Variants in TTC1 observed in about 807,000 individuals in gnomAD.
The protein encoded by TTC1 is tetratricopeptide repeat domain 1.
TTC1 carries 31 observed loss-of-function variants against 37.6 expected under a neutral mutation model. The ratio of observed to expected loss-of-function variants is 0.82; its 90% CI spans 0.62 to 1.11. The LOEUF (loss-of-function observed/expected upper bound fraction) is 1.11. Among genes scored for constraint, TTC1 ranks in the 50% most tolerant of loss-of-function variants. TTC1 has a pLI of 0.00. For synonymous variants in TTC1, 127 were observed against 122.4 expected (o/e 1.04, Z -0.25); for missense variants, 351 against 339.0 (o/e 1.04, Z -0.28).
chr5:160,024,241 G>C (rs184936198), intron 2 of TTC1, among the ~76,000 whole-genome samples: 1 of 152,146 alleles, frequency 6.6e-6, no homozygotes, highest in Non-Finnish European at 1.5e-5. Flanking sequence ...TATTTCCCAG[G>C]TGGAGAGTTC....
At chr5:160,045,501 CA>C (rs1757200591) in intron 5 of TTC1, among the ~76,000 whole-genome samples, 1 of 108,616 alleles carries the variant, frequency 9.2e-6, no homozygotes, top group African/African-American at 3.5e-5. Context: ...CACACACACA[CA>C]CACACACACA....
intron 7 of TTC1, among the ~76,000 whole-genome samples, chr5:160,064,415 T>C (rs369612470): frequency 2.6e-5 from 4 of 152,166 alleles, no homozygotes; most frequent in South Asian, 2.1e-4. Flanking sequence ...TAAGGATTTG[T>C]TTAGGAAAGC....
At chr5:160,028,485 CTTTTTA>C (rs1756848653) in intron 2 of TTC1, among the ~76,000 whole-genome samples, 1 of 151,802 alleles carries the variant, frequency 6.6e-6, no homozygotes, top group South Asian at 2.1e-4. Flanking sequence ...TTTACTTATT[CTTTTTA>C]TTTTTATTTT....
chr5:160,055,335 CAAAAAGT>C (rs1186174057), intron 7 of TTC1, among the ~76,000 whole-genome samples: 2 of 152,200 alleles, frequency 1.3e-5, no homozygotes, highest in Non-Finnish European at 2.9e-5. Flanking sequence ...CTACTTTCTC[CAAAAAGT>C]AACCTAGGCT....
At chr5:160,019,852 T>A (rs910385915) in intron 2 of TTC1, among the ~76,000 whole-genome samples, 1 of 151,550 alleles carries the variant, frequency 6.6e-6, no homozygotes, top group Non-Finnish European at 1.5e-5. Context: ...AGTTCTGGGA[T>A]TATAGGCATG....
At chr5:160,031,309 A>T (rs954104545) in intron 2 of TTC1, among the ~76,000 whole-genome samples, 6 of 152,108 alleles carry the variant, frequency 3.9e-5, no homozygotes, top group Non-Finnish European at 7.4e-5. Flanking sequence ...ATCCGTTGAA[A>T]CAATAGGATG....
chr5:160,058,442 G>A (rs373457885), intron 7 of TTC1, among the ~76,000 whole-genome samples: 7 of 140,198 alleles, frequency 5.0e-5, no homozygotes, highest in East Asian at 4.2e-4. Context: ...ACGGAGTCTC[G>A]CTGTGTCGCC....
chr5:160,015,755 A>G (rs73307367), intron 2 of TTC1, among the ~76,000 whole-genome samples: 2,516 of 152,268 alleles, frequency 0.017, 53 homozygotes, highest in African/African-American at 0.042. Flanking sequence ...ACCCACAGAG[A>G]GGGTGGTAAG....
chr5:160,035,089 T>G, intron 2 of TTC1, 51 bp from the exon 3 acceptor site: 1 of 1,488,814 alleles, frequency 6.7e-7, no homozygotes, highest in Non-Finnish European at 9.0e-7. Context: ...ACCTTTTTGT[T>G]CACTTATAAT....
chr5:160,021,263 C>A (rs370779090), intron 2 of TTC1, among the ~76,000 whole-genome samples: 1 of 152,172 alleles, frequency 6.6e-6, no homozygotes, highest in East Asian at 1.9e-4. Context: ...TGTGGCCACA[C>A]CATGGGAAAC....
intron 2 of TTC1, among the ~76,000 whole-genome samples, chr5:160,031,048 T>C (rs75754072): frequency 0.012 from 1,765 of 152,290 alleles, 23 homozygotes; most frequent in African/African-American, 0.024. Flanking sequence ...TATATACCTG[T>C]CATCCTTTGG....
chr5:160,022,213 G>C (rs867706477), intron 2 of TTC1, among the ~76,000 whole-genome samples: 4 of 152,136 alleles, frequency 2.6e-5, no homozygotes, highest in Non-Finnish European at 5.9e-5. Context: ...ACACTTATAA[G>C]CTCAAAGTCA....
rs145760392 is a variant in TTC1 at position 160,021,279 on chromosome 5, C to T, written c.330+10421C>T. Among the ~76,000 whole-genome samples the T allele has an allele frequency of 4.8e-3, 736 of 152,284 alleles. 5 individuals are homozygous for T. The highest frequency in any genetic ancestry group is 7.4e-3 in the Non-Finnish European group (504 of 68,028). ...GTGGCCACACCATGGGAAACAGATC[C>T]AGATGGACACAGATGACTAAGCTTC... is the stretch of plus-strand genomic sequence containing the variant. On this transcript the variant is annotated intron_variant, in intron 2 of 7. Transcript: ENST00000231238.
At chr5:160,045,480 A>T (rs1757195185) in intron 5 of TTC1, among the ~76,000 whole-genome samples, 1 of 109,434 alleles carries the variant, frequency 9.1e-6, no homozygotes, top group East Asian at 3.1e-4. Flanking sequence ...ACACACACAC[A>T]CACACACACA....
chr5:160,030,881 T>G (rs1368097316), intron 2 of TTC1, among the ~76,000 whole-genome samples: 1 of 152,160 alleles, frequency 6.6e-6, no homozygotes. Context: ...AAGCTTCTGT[T>G]CATAGAACAG....
chr5:160,009,272 T>A (rs896158760), intron 1 of TTC1, 79 bp downstream of exon 1: 1 of 152,206 alleles, frequency 6.6e-6, no homozygotes, highest in Non-Finnish European at 1.5e-5. Context: ...GCGCGAGGCA[T>A]CACTTCCCTA....
chr5:160,031,289 G>A (rs1486623250), intron 2 of TTC1, among the ~76,000 whole-genome samples: 1 of 152,158 alleles, frequency 6.6e-6, no homozygotes, highest in Non-Finnish European at 1.5e-5. Flanking sequence ...GGGCCACTGG[G>A]TTGTGATTTA....
chr5:160,048,841 C>T (rs754757573), intron 5 of TTC1, among the ~76,000 whole-genome samples: 39 of 152,092 alleles, frequency 2.6e-4, no homozygotes, highest in Non-Finnish European at 5.3e-4. Flanking sequence ...ATCCCAGCTA[C>T]GTGGGAGGCT....
At chr5:160,053,297 A>T (rs990437336) in intron 7 of TTC1, among the ~76,000 whole-genome samples, 6 of 152,282 alleles carry the variant, frequency 3.9e-5, no homozygotes, top group Non-Finnish European at 8.8e-5. Flanking sequence ...AAATTTTTTA[A>T]ATTGGGTAGT....
Sources: gnomAD v4.1 joint callset for allele counts (sites outside exome capture counted in the v4.1 genomes callset) on GRCh38, gnomAD v4.1.1 for gene constraint, MANE v1.5 for transcripts, NCBI Gene and HGNC (gene_info 2026-07-23, HGNC 2026-07-21) for gene names.